The following OR10H1 variants were observed in gnomAD, a reference collection of about 807,000 sequenced individuals.
The protein encoded by OR10H1 is olfactory receptor 10H1.
OR10H1 carries 12 observed loss-of-function variants against 13.1 expected under a neutral mutation model. The ratio of observed to expected loss-of-function variants is 0.92; its 90% CI spans 0.59 to 1.48. The LOEUF (loss-of-function observed/expected upper bound fraction) is 1.48, where lower values mean the gene tolerates loss of function less well. Ranked by LOEUF, OR10H1 falls within the 40% of genes most tolerant of loss-of-function variation. The probability of loss-of-function intolerance (pLI) is 0.00; values close to 1 mark genes in which losing one functional copy is unlikely to be tolerated. For missense variants in OR10H1, 363 were observed against 413.1 expected, an observed-to-expected ratio of 0.88 and a Z score of 1.05; for synonymous variants, 168 against 175.6, an observed-to-expected ratio of 0.96 and a Z score of 0.34.
rs1332022685 is a variant in OR10H1 at position 15,812,425 on chromosome 19, A to AGAGG, written c.-328_-325dup. The AGAGG allele has an allele frequency of 9.1e-5, 13 of 143,462 alleles. No individual in the cohort carries two copies. Among genetic ancestry groups the AGAGG allele is most frequent in the African/African-American group, 2.9e-4 (11 of 38,552 alleles). 8.9% of individuals were successfully genotyped at this position (143,462 alleles called of 1,614,324 possible). On this transcript the variant is annotated 5_prime_UTR_variant, in exon 2 of 4. The change abolishes the stop of an existing upstream ORF in the 5' untranslated region. Coordinates refer to ENST00000641419, the MANE Select transcript of OR10H1 (RefSeq NM_013940.4). The stretch of plus-strand genomic sequence containing the variant: ...AGAAAGAAAAAAGGGAGGAAGAAAG[A>AGAGG]GAGGGAGGGAGGGAGGAAGGAAAGA...
chr19:15,809,158 G>A (rs1316812832), intron 2 of OR10H1, among the ~76,000 whole-genome samples: 1 of 152,162 alleles, frequency 6.6e-6, no homozygotes, highest in African/African-American at 2.4e-5. Context: ...CATGAGGTAT[G>A]CCTCTATGTT....
rs777321103 is a variant in OR10H1 at position 15,807,965 on chromosome 19, G to T, written c.73C>A (p.Leu25Met). ...VGFSVFPHLQ[L>M]MLFLLFLLMY... ...AGCAGGAACAGCAGGAAGAGCATCAGCTGGAGGTGGGGGAAGACAGAGAAG... is the reference window on the plus strand; with the variant it reads ...AGCAGGAACAGCAGGAAGAGCATCATCTGGAGGTGGGGGAAGACAGAGAAG... Residue 25 changes from leucine to methionine, a missense_variant, in exon 4 of 4, where the codon CTG becomes ATG. Physicochemically the swap from Leu to Met is conservative, Grantham distance 15 (BLOSUM62 2). Around this residue, in one of 3 missense-constraint regions of OR10H1, gnomAD observed 318 missense variants for 366.6 expected, o/e 0.87. Coordinates refer to ENST00000641419, the MANE Select transcript of OR10H1 (RefSeq NM_013940.4). 6.2e-7 allele frequency: 1 copy of T among 1,614,188 alleles called. No individual in the cohort carries two copies. The highest frequency in any genetic ancestry group is 1.1e-5 in the South Asian group (1 of 91,086).
chr19:15,805,556 T>G lies in OR10H1; in HGVS notation c.*1525A>C, dbSNP rs2088891545. On this transcript the variant is annotated 3_prime_UTR_variant, in exon 4 of 4. Coordinates refer to ENST00000641419, the MANE Select transcript of OR10H1 (RefSeq NM_013940.4). Reference sequence around the variant, plus strand: ...TCTGCCTCCATGGTTCAAGCTATTCTCCTGTCTCAGCCTCCTGAGTAGCTG... The same window carrying G: ...TCTGCCTCCATGGTTCAAGCTATTCGCCTGTCTCAGCCTCCTGAGTAGCTG... 1 of 149,950 alleles carries G rather than the reference T, an allele frequency of 6.7e-6. No homozygotes were observed. The highest frequency in any genetic ancestry group is 1.5e-5 in the Non-Finnish European group (1 of 67,738). 9.3% of individuals were successfully genotyped at this position (149,950 alleles called of 1,614,324 possible). A position where few individuals can be genotyped will look rare whatever the true frequency, so the allele number is the denominator to read the frequency against.
chr19:15,809,723 A>G (rs1446258194), intron 2 of OR10H1, among the ~76,000 whole-genome samples: 2 of 152,222 alleles, frequency 1.3e-5, no homozygotes, highest in Non-Finnish European at 2.9e-5. Context: ...GATAATTAAT[A>G]CAGTAAATGA....
At position 15,812,580 on chromosome 19, in the gene OR10H1, AAGG is replaced by A. The variant is rs1296771923; in HGVS notation, c.-482_-480del. ...AAAGGAGGAGAGTGAGGAAGGAAGA[AAGG>A]AGGGAGGGAGGCAGGAAGGAAGGAG... On this transcript the variant is annotated 5_prime_UTR_variant, in exon 2 of 4. Coordinates refer to ENST00000641419, the MANE Select transcript of OR10H1 (RefSeq NM_013940.4). 7.0e-6 allele frequency: 1 copy of A among 142,854 alleles called. No homozygotes were observed. Among genetic ancestry groups the A allele is most frequent in the Non-Finnish European group, 1.5e-5 (1 of 65,428 alleles). 8.8% of individuals were successfully genotyped at this position (142,854 alleles called of 1,614,324 possible). A position where few individuals can be genotyped will look rare whatever the true frequency, so the allele number is the denominator to read the frequency against.
At chr19:15,809,135 G>GT (rs1423473318) in intron 2 of OR10H1, among the ~76,000 whole-genome samples, 1 of 152,032 alleles carries the variant, frequency 6.6e-6, no homozygotes, top group African/African-American at 2.4e-5. Context: ...TGCTTTGGTT[G>GT]TTTTCCAGCT....
In OR10H1 at chr19:15,808,050, TG is replaced by T. The variant is rs1568453492; in HGVS notation, c.-11-3del. 3 of 1,596,832 alleles carry T rather than the reference TG, an allele frequency of 1.9e-6. No individual in the cohort carries two copies. Among genetic ancestry groups the T allele is most frequent in the East Asian group, 2.2e-5 (1 of 44,536 alleles). ...TGGCTCTCTGCATGGAGGCTGTGCC[TG>T]GGGTGAGATGTGACAGGGAGATGTC... On this transcript the variant is annotated splice_polypyrimidine_tract_variant and splice_region_variant and intron_variant, in intron 3 of 3. Coordinates refer to ENST00000641419, the MANE Select transcript of OR10H1 (RefSeq NM_013940.4).
rs1385052902 is a variant in OR10H1, at chr19:15,806,223, T to A, written c.*858A>T. 6.6e-6 allele frequency: 1 copy of A among 152,210 alleles called. No homozygotes were observed. The allele number at this position is 152,210 out of a possible 1,614,324, so 9.4% of individuals were successfully genotyped here. A position where few individuals can be genotyped will look rare whatever the true frequency, so the allele number is the denominator to read the frequency against. On this transcript the variant is annotated 3_prime_UTR_variant, in exon 4 of 4. Transcript: ENST00000641419. ...AGGTTTGGTGCTAACTGACACAGTTTCTTGCAGCAGATAGAAATAATCAAA... is the reference window on the plus strand; with the variant it reads ...AGGTTTGGTGCTAACTGACACAGTTACTTGCAGCAGATAGAAATAATCAAA...
intron 2 of OR10H1, among the ~76,000 whole-genome samples, chr19:15,811,580 C>T (rs954159404): frequency 4.6e-5 from 7 of 152,114 alleles, no homozygotes; most frequent in African/African-American, 1.7e-4. Context: ...GAGAGTGCAG[C>T]CGCAACTCCT....
intron 2 of OR10H1, among the ~76,000 whole-genome samples, chr19:15,809,327 G>T (rs769572489): frequency 4.0e-5 from 6 of 151,774 alleles, no homozygotes; most frequent in Non-Finnish European, 8.8e-5. Flanking sequence ...GTTTCATTCT[G>T]TTCCCCAGAC....
chr19:15,810,009 G>C (rs2088924484), intron 2 of OR10H1, among the ~76,000 whole-genome samples: 1 of 152,006 alleles, frequency 6.6e-6, no homozygotes. Flanking sequence ...ATTTGGCAAT[G>C]TGTGACCAGG....
intron 1 of OR10H1, 38 bp downstream of exon 1, chr19:15,815,517 C>G (rs1237965948): frequency 6.6e-6 from 1 of 152,242 alleles, no homozygotes; most frequent in East Asian, 1.9e-4. Flanking sequence ...TTCCCCAGGT[C>G]TCTCCTGGTC....
In OR10H1 at chr19:15,812,553, G is replaced by GGGAAGGAGGAGAGTGAGGAAGGAA. The variant is rs1296017133; in HGVS notation, c.-453_-452insTTCCTTCCTCACTCTCCTCCTTCC. ...GGAAGGAAGGAAGGAGAGTGAGGGA[G>GGGAAGGAGGAGAGTGAGGAAGGAA]GAAAGGAGGAGAGTGAGGAAGGAAG... On this transcript the variant is annotated 5_prime_UTR_variant, in exon 2 of 4. Transcript: ENST00000641419. 2.0e-4 allele frequency: 29 copies of GGGAAGGAGGAGAGTGAGGAAGGAA among 146,244 alleles called. 1 individual carries two copies. Among genetic ancestry groups the GGGAAGGAGGAGAGTGAGGAAGGAA allele is most frequent in the Non-Finnish European group, 3.6e-4 (24 of 66,738 alleles). The allele number at this position is 146,244 out of a possible 1,614,324, so 9.1% of individuals were successfully genotyped here.
At chr19:15,814,496 AGAGAGAGAGAGAGAGAG>A (rs1161084462) in intron 1 of OR10H1, among the ~76,000 whole-genome samples, 39 of 76,274 alleles carry the variant, frequency 5.1e-4, no homozygotes, top group African/African-American at 2.5e-3. Context: ...AGAGAGAGAG[AGAGAGAGAGAGAGAGAG>A]AGAGAGAGAG....
chr19:15,814,480 T>TGTGTGTGAGA (rs1568455146), intron 1 of OR10H1, among the ~76,000 whole-genome samples: 1 of 67,966 alleles, frequency 1.5e-5, no homozygotes, highest in Non-Finnish European at 2.8e-5. Context: ...TGTGTGTGTG[T>TGTGTGTGAGA]GAGAGAGAGA....
At chr19:15,809,597 T>C (rs2088921748) in intron 2 of OR10H1, among the ~76,000 whole-genome samples, 1 of 152,120 alleles carries the variant, frequency 6.6e-6, no homozygotes. Flanking sequence ...CTGGCCAATA[T>C]TTTGTAAAGT....
intron 2 of OR10H1, among the ~76,000 whole-genome samples, chr19:15,810,293 C>CA (rs56079033): frequency 0.34 from 35,974 of 107,236 alleles, 6,485 homozygotes; most frequent in East Asian, 0.57. Context: ...GACTCCTTCT[C>CA]AAAAAAAAAA....
chr19:15,811,460 A>C (rs543408457), intron 2 of OR10H1, among the ~76,000 whole-genome samples: 1 of 152,012 alleles, frequency 6.6e-6, no homozygotes, highest in Non-Finnish European at 1.5e-5. Flanking sequence ...GTCTCTGTCA[A>C]CTCAATGCCA....
intron 1 of OR10H1, among the ~76,000 whole-genome samples, chr19:15,813,200 G>A (rs73927728): frequency 0.026 from 3,875 of 151,838 alleles, 175 homozygotes; most frequent in African/African-American, 0.089. Flanking sequence ...GTGTGCAGGC[G>A]GAGAGAGGGT....
Sources: gnomAD v4.1 joint callset for allele counts (sites outside exome capture counted in the v4.1 genomes callset) on GRCh38, gnomAD v4.1.1 for gene constraint, gnomAD v4.1.1 regional missense constraint, MANE v1.5 for transcripts, NCBI Gene and HGNC (gene_info 2026-07-23, HGNC 2026-07-21) for gene names.